Variants in ACSF2 observed in about 807,000 individuals in gnomAD.
ACSF2 encodes the protein acyl-CoA synthetase family member 2, also known as medium-chain acyl-CoA ligase ACSF2, mitochondrial.
A neutral mutation model predicts 79.3 loss-of-function variants in ACSF2; 52 were observed. The ratio of observed to expected loss-of-function variants is 0.66; its 90% CI spans 0.53 to 0.83. The LOEUF (loss-of-function observed/expected upper bound fraction) is 0.83, where lower values mean the gene tolerates loss of function less well. Ranked by LOEUF, ACSF2 falls within the 40% of genes least tolerant of loss-of-function variation. The pLI is 0.00. For synonymous variants in ACSF2, 283 were observed against 312.6 expected (o/e 0.91, Z 1.00); for missense variants, 661 against 803.3 (o/e 0.82, Z 2.14).
intron 10 of ACSF2, chr17:50,467,730 C>A: frequency 3.4e-6 from 1 of 295,146 alleles, no homozygotes; most frequent in African/African-American, 2.2e-5. Context: ...GAAGAGGTGG[C>A]TGCTGCTCAC....
intron 1 of ACSF2, among the ~76,000 whole-genome samples, chr17:50,458,629 C>T (rs893943368): frequency 8.5e-5 from 13 of 152,186 alleles, no homozygotes; most frequent in Non-Finnish European, 4.4e-5. Context: ...TCTTTCCCAC[C>T]AGACCCTTAT....
Position 50,472,256 on chromosome 17 carries a change from G to A in ACSF2, c.1324-172G>A, listed in dbSNP as rs992539156. 17 of 697,544 alleles carry A rather than the reference G, an allele frequency of 2.4e-5. No homozygotes were observed. In the Admixed American group the frequency reaches 4.8e-4, roughly 20 times the overall value. 43.2% of individuals were successfully genotyped at this position (697,544 alleles called of 1,614,324 possible). On this transcript the variant is annotated intron_variant, in intron 11 of 15. Transcript: ENST00000300441. ...TCAGGTCTCTCACTGGCTTTGGGTC[G>A]ACTCTAGCCTTTGTCTCCCTTCTCT...
intron 3 of ACSF2, 117 bp from the exon 4 acceptor site, chr17:50,461,516 G>A: frequency 6.3e-7 from 1 of 1,589,262 alleles, no homozygotes; most frequent in South Asian, 1.1e-5. Context: ...CCACCAAGGA[G>A]GTCTCTGGGA....
intron 1 of ACSF2, among the ~76,000 whole-genome samples, chr17:50,433,519 A>G (rs11653892): frequency 0.054 from 8,288 of 152,242 alleles, 309 homozygotes; most frequent in Non-Finnish European, 0.082. Flanking sequence ...TAGTAATCCT[A>G]TCAAGGGACA....
In ACSF2 at chr17:50,462,497, C is replaced by T; in HGVS notation, c.704C>T (p.Ala235Val). The T allele has an allele frequency of 6.2e-7, 1 of 1,613,956 alleles. No homozygotes were observed. Among genetic ancestry groups the T allele is most frequent in the South Asian group, 1.1e-5 (1 of 91,070 alleles). Residue 235 changes from alanine to valine, a missense_variant, in exon 6 of 16, where the codon GCT (alanine) becomes GTT (valine). By Grantham distance (64) the Ala-to-Val change is moderately conservative. Coordinates refer to ENST00000300441, the MANE Select transcript of ACSF2 (RefSeq NM_025149.6). ...GTLLLDEVVA[A>V]GSTRQHLDQL... ...CTGCTCCTGGATGAAGTGGTGGCGG[C>T]TGGCAGCACACGGCAGCATCTGGAC...
intron 1 of ACSF2, among the ~76,000 whole-genome samples, chr17:50,447,508 C>T (rs1488145023): frequency 6.6e-6 from 1 of 151,944 alleles, no homozygotes; most frequent in Non-Finnish European, 1.5e-5. Flanking sequence ...CGCCACTGCA[C>T]TCCAGCCTGG....
rs544895737 is a variant in ACSF2, at chr17:50,455,734, A to G, written c.129-4943A>G. On this transcript the variant is annotated intron_variant, in intron 1 of 15. Transcript: ENST00000300441. Reference sequence around the variant, plus strand: ...CAAGGGTGGGCGGAGGAGCTGTGACATAAGACACCCATCACCCACCCAGCC... The same window carrying G: ...CAAGGGTGGGCGGAGGAGCTGTGACGTAAGACACCCATCACCCACCCAGCC... Among the ~76,000 whole-genome samples, 4 of 152,286 alleles carry G rather than the reference A, an allele frequency of 2.6e-5. No individual in the cohort carries two copies. The South Asian group carries it at 8.3e-4, about 32-fold the overall frequency.
chr17:50,464,242 C>T lies in ACSF2; in HGVS notation c.1163C>T (p.Pro388Leu). ...CGGVIAGSPA[P>L]PELIRAIINK... The stretch of plus-strand genomic sequence containing the variant: ...GGTGTCATTGCTGGGTCCCCTGCAC[C>T]TCCAGAGTTGATCCGAGCCATCATC... The change falls in exon 10 of 16, where the codon CCT becomes CTT. Residue 388 changes from proline to leucine, a missense_variant. Coordinates refer to ENST00000300441, the MANE Select transcript of ACSF2 (RefSeq NM_025149.6). 6.2e-7 allele frequency: 1 copy of T among 1,614,150 alleles called. No individual in the cohort carries two copies. The highest frequency in any genetic ancestry group is 8.5e-7 in the Non-Finnish European group (1 of 1,180,036).
intron 1 of ACSF2, among the ~76,000 whole-genome samples, chr17:50,427,829 C>T (rs752693011): frequency 1.1e-4 from 16 of 152,224 alleles, no homozygotes; most frequent in Non-Finnish European, 1.8e-4. Context: ...TTACCTGCTA[C>T]AGCCCTGGGA....
intron 1 of ACSF2, among the ~76,000 whole-genome samples, chr17:50,437,527 C>T (rs191761404): frequency 2.0e-4 from 31 of 152,202 alleles, no homozygotes; most frequent in Admixed American, 5.9e-4. Context: ...GCGTGTGGCT[C>T]CTGCCTGTGG....
rs369230342 is a variant in ACSF2 at position 50,463,219 on chromosome 17, A to G, written c.856A>G (p.Ile286Val). 81 of 1,613,954 alleles carry G rather than the reference A, an allele frequency of 5.0e-5. No individual in the cohort carries two copies. The highest frequency in any genetic ancestry group is 1.6e-4 in the Middle Eastern group (1 of 6,084). ...CTACAACATTGTCAACAACTCCAAC[A>G]TTTTAGGAGAGCGCCTGAAACTGCA... The part of the protein sequence containing the change: ...SHYNIVNNSN[I>V]LGERLKLHEK... Residue 286 changes from isoleucine to valine, a missense_variant, in exon 7 of 16, where the codon ATT (isoleucine) becomes GTT (valine). Ile to Val is a conservative substitution (Grantham distance 29). Coordinates refer to ENST00000300441, the MANE Select transcript of ACSF2 (RefSeq NM_025149.6). The surrounding 1 kb of genome is among the most constrained non-coding windows in gnomAD (Gnocchi z 4.6).
At chr17:50,468,780 G>A (rs2032929352) in intron 10 of ACSF2, 1 of 1,570,960 alleles carries the variant, frequency 6.4e-7, no homozygotes, top group East Asian at 2.3e-5. Flanking sequence ...CCAGCCAGGA[G>A]GCCGAGGCTG....
chr17:50,428,341 G>C (rs1488466762), intron 1 of ACSF2, among the ~76,000 whole-genome samples: 2 of 152,118 alleles, frequency 1.3e-5, no homozygotes, highest in African/African-American at 2.4e-5. Context: ...TCAGCCGGGC[G>C]TGGTGGCATG....
intron 10 of ACSF2, chr17:50,468,972 G>A: frequency 1.5e-6 from 2 of 1,377,680 alleles, no homozygotes; most frequent in Non-Finnish European, 1.9e-6. Flanking sequence ...AGGCCACTGG[G>A]CTTAACTCGC....
Position 50,463,664 on chromosome 17 carries a change from A to T in ACSF2, c.1046+112A>T. The T allele has an allele frequency of 6.5e-7, 1 of 1,530,906 alleles. No individual in the cohort carries two copies. The highest frequency in any genetic ancestry group is 8.9e-7 in the Non-Finnish European group (1 of 1,123,926). 94.8% of individuals were successfully genotyped at this position (1,530,906 alleles called of 1,614,324 possible). ...CCTCCCTCCAGCCAGGAGACTGAGG[A>T]TGGGGACAGTGGAGGACCCCCAGGA... On this transcript the variant is annotated intron_variant, in intron 8 of 15. Coordinates refer to ENST00000300441, the MANE Select transcript of ACSF2 (RefSeq NM_025149.6). This position sits in a 1 kb window ranked among gnomAD's most constrained non-coding sequence, Gnocchi z 4.6.
chr17:50,428,802 G>GA (rs1436294388), intron 1 of ACSF2, among the ~76,000 whole-genome samples: 1 of 152,068 alleles, frequency 6.6e-6, no homozygotes, highest in Non-Finnish European at 1.5e-5. Context: ...AAATAAAAAT[G>GA]AAAAAAGAAG....
Position 50,474,449 on chromosome 17 carries a change from T to A in ACSF2, c.1798-53T>A. 1 of 1,595,454 alleles carries A rather than the reference T, an allele frequency of 6.3e-7. No individual in the cohort carries two copies. The highest frequency in any genetic ancestry group is 8.6e-7 in the Non-Finnish European group (1 of 1,163,274). On this transcript the variant is annotated intron_variant, in intron 15 of 15. Coordinates refer to ENST00000300441, the MANE Select transcript of ACSF2 (RefSeq NM_025149.6). The surrounding 1 kb of genome is among the most constrained non-coding windows in gnomAD (Gnocchi z 4.2). ...ACTAAGAGCCTGAGAAACCCCTTAT[T>A]CTTGGGTGAACCAAGACAGCTGGTA...
rs150206622 is a variant in ACSF2, at chr17:50,468,549, C to G, written c.1216-2479C>G. The G allele has an allele frequency of 6.8e-6, 11 of 1,614,238 alleles. No homozygotes were observed. The highest frequency in any genetic ancestry group is 3.3e-4 in the Middle Eastern group (2 of 6,060). On this transcript the variant is annotated intron_variant, in intron 10 of 15. Coordinates refer to ENST00000300441, the MANE Select transcript of ACSF2 (RefSeq NM_025149.6). ...CCGCGGAAGGCACCGGCGGCCACCT[C>G]GCGGATCTGGCAGTGCTGCAGGTGC...
chr17:50,443,032 C>G (rs1368485124), intron 1 of ACSF2, among the ~76,000 whole-genome samples: 1 of 151,976 alleles, frequency 6.6e-6, no homozygotes, highest in Non-Finnish European at 1.5e-5. Flanking sequence ...GCCTCAGCCT[C>G]CCGAATAGCT....
Sources: allele counts gnomAD v4.1 joint callset (sites outside exome capture counted in the v4.1 genomes callset), GRCh38; gene constraint gnomAD v4.1.1; non-coding constraint Gnocchi (gnomAD v3.1); transcripts MANE v1.5; gene names NCBI Gene and HGNC (gene_info 2026-07-23, HGNC 2026-07-21).